Variants in CFAP74 observed in about 807,000 individuals in gnomAD.
CFAP74 encodes the protein cilia- and flagella-associated protein 74.
Under a neutral mutation model 188.9 loss-of-function variants are expected in CFAP74, and 124 were observed. That is an observed-to-expected ratio of 0.66 (90% CI 0.57 to 0.76). CFAP74 has a LOEUF of 0.76. Ranked by LOEUF, CFAP74 falls within the 30% of genes least tolerant of loss-of-function variation. CFAP74 has a pLI of 0.00. For synonymous variants in CFAP74, 956 were observed against 916.7 expected, an observed-to-expected ratio of 1.04 and a Z score of -0.77; for missense variants, 2,198 against 2,165.2, an observed-to-expected ratio of 1.02 and a Z score of -0.30.
chr1:1,970,918 T>C (rs771233279), intron 9 of CFAP74, 102 bp from the exon 10 acceptor site: 13 of 1,313,216 alleles, frequency 9.9e-6, no homozygotes, highest in Admixed American at 1.8e-5. Flanking sequence ...CATGCACACG[T>C]GCACACACGT....
chr1:1,926,905 G>T lies in CFAP74; in HGVS notation c.3651C>A (p.Pro1217=), dbSNP rs1308171019. 1.3e-6 allele frequency: 2 copies of T among 1,549,924 alleles called. No homozygotes were observed. The highest frequency in any genetic ancestry group is 2.4e-5 in the East Asian group (1 of 40,904). ...AGAGCACCCCGCACCTGAAGCTCAGGGGTTCTGACCCCTTCCTGTCTTTGA... is the reference window on the plus strand; with the variant it reads ...AGAGCACCCCGCACCTGAAGCTCAGTGGTTCTGACCCCTTCCTGTCTTTGA... ...GDIKDRKGSE[P]LSFSPHNTLY... The change falls in exon 29 of 39, where the codon CCC becomes CCA. Residue 1217 remains proline (P), a synonymous_variant. Transcript: ENST00000682832.
In CFAP74 at chr1:1,927,665, G is replaced by T; in HGVS notation, c.3469C>A (p.Leu1157Met). 1 of 1,550,198 alleles carries T rather than the reference G, an allele frequency of 6.5e-7. No homozygotes were observed. Among genetic ancestry groups the T allele is most frequent in the Non-Finnish European group, 8.7e-7 (1 of 1,146,848 alleles). Residue 1157 changes from leucine (L) to methionine (M), a missense_variant, in exon 28 of 39, where the codon CTG (leucine) becomes ATG (methionine). Physicochemically the swap from Leu to Met is conservative, Grantham distance 15. Coordinates refer to ENST00000682832, the MANE Select transcript of CFAP74 (RefSeq NM_001304360.2). Reference protein sequence around the residue: ...SVLRAQNRDKLFKVSVPHVLE... With the variant: ...SVLRAQNRDKMFKVSVPHVLE... ...ACGTGGGGGACAGAGACTTTGAACA[G>T]CTTGTCGCGGTTCTGTGCTCGAAGA...
At chr1:1,986,598 G>A (rs1048436328) in intron 5 of CFAP74, among the ~76,000 whole-genome samples, 2 of 152,308 alleles carry the variant, frequency 1.3e-5, no homozygotes, top group East Asian at 3.9e-4. Flanking sequence ...CGTCCCCCAG[G>A]CCCCTCCCAC....
At chr1:1,960,807 G>A (rs1221949731) in intron 14 of CFAP74, among the ~76,000 whole-genome samples, 1 of 152,232 alleles carries the variant, frequency 6.6e-6, no homozygotes, top group African/African-American at 2.4e-5. Flanking sequence ...GGGGAGAGGA[G>A]CAGAATCCGA....
At chr1:1,970,946 C>CG in intron 9 of CFAP74, 130 bp from the exon 10 acceptor site, 1 of 1,103,578 alleles carries the variant, frequency 9.1e-7, no homozygotes, top group Non-Finnish European at 1.3e-6. Flanking sequence ...CACATGCACA[C>CG]CTGCACATGC....
chr1:1,926,723 G>A lies in CFAP74; in HGVS notation c.3701C>T (p.Thr1234Met), dbSNP rs1057489025. The A allele has an allele frequency of 6.5e-6, 10 of 1,550,062 alleles. No individual in the cohort carries two copies. The highest frequency in any genetic ancestry group is 4.1e-5 in the African/African-American group (3 of 73,040). ...NTLYLELWCPTVAPSVVVTSH... is the reference protein window; with the variant it reads ...NTLYLELWCPMVAPSVVVTSH... Reference sequence around the variant, plus strand: ...CGTCACCACAACAGATGGTGCCACCGTCGGGCACCACAGCTCCAGGTACAG... The same window carrying A: ...CGTCACCACAACAGATGGTGCCACCATCGGGCACCACAGCTCCAGGTACAG... Residue 1234 changes from threonine to methionine, a missense_variant, in exon 30 of 39, where the codon ACG becomes ATG. By Grantham distance (81) the Thr-to-Met change is moderately conservative. Transcript: ENST00000682832.
intron 27 of CFAP74, 36 bp downstream of exon 27, chr1:1,928,748 C>A (rs945645225): frequency 6.7e-7 from 1 of 1,488,376 alleles, no homozygotes; most frequent in Non-Finnish European, 9.0e-7. Context: ...CAGGCCCTTC[C>A]CCGACCTACG....
intron 1 of CFAP74, among the ~76,000 whole-genome samples, chr1:1,999,039 T>C (rs148239208): frequency 6.6e-6 from 1 of 152,286 alleles, no homozygotes; most frequent in East Asian, 1.9e-4. Context: ...CAGAAATGTG[T>C]GTGTGTGTCT....
At chr1:1,924,300 T>G in intron 34 of CFAP74, 91 bp downstream of exon 34, 1 of 456,558 alleles carries the variant, frequency 2.2e-6, no homozygotes. Flanking sequence ...GCCCCCTATC[T>G]CACCAACTGT....
In CFAP74 at chr1:1,927,846, C is replaced by G. The variant is rs377316899; in HGVS notation, c.3388-100G>C. 2.2e-6 allele frequency: 3 copies of G among 1,381,300 alleles called. No homozygotes were observed. In the Admixed American group the frequency reaches 7.7e-5, roughly 35 times the overall value. The allele number at this position is 1,381,300 out of a possible 1,614,324, so 85.6% of individuals were successfully genotyped here. A position where few individuals can be genotyped will look rare whatever the true frequency, so the allele number is the denominator to read the frequency against. On this transcript the variant is annotated intron_variant, in intron 27 of 38. Transcript: ENST00000682832. ...CGGCCAGTGCGGGAACCGCGGGAGC[C>G]GCAGTTGGGATTGAATGTGGGGACG...
chr1:1,946,277 G>A, intron 20 of CFAP74, 40 bp downstream of exon 20: 1 of 1,508,442 alleles, frequency 6.6e-7, no homozygotes, highest in Non-Finnish European at 8.9e-7. Flanking sequence ...TGGAGGCAGG[G>A]GCCAGGGTGT....
At chr1:1,948,168 GC>G (rs1653909263) in intron 18 of CFAP74, among the ~76,000 whole-genome samples, 2 of 152,172 alleles carry the variant, frequency 1.3e-5, no homozygotes, top group South Asian at 4.1e-4. Context: ...ACTGTGCCCG[GC>G]CAAGGGTCCC....
At chr1:1,964,547 T>C (rs1381201720) in intron 13 of CFAP74, among the ~76,000 whole-genome samples, 1 of 152,212 alleles carries the variant, frequency 6.6e-6, no homozygotes, top group African/African-American at 2.4e-5. Flanking sequence ...CCCAGCACTT[T>C]GGGAGGCTGA....
Position 1,970,752 on chromosome 1 carries a change from T to C in CFAP74, c.953A>G (p.Gln318Arg). The change falls in exon 10 of 39, where the codon CAG becomes CGG. Residue 318 changes from glutamine (Q) to arginine (R), a missense_variant. By Grantham distance (43) the Gln-to-Arg change is conservative. Transcript: ENST00000682832. ...AKAELAEQRV[Q>R]AEKKAILAQG... Reference sequence around the variant, plus strand: ...GGCCAGAATCGCCTTCTTCTCAGCCTGGACCCTCTGCTCCGCCAGCTCTGC... The same window carrying C: ...GGCCAGAATCGCCTTCTTCTCAGCCCGGACCCTCTGCTCCGCCAGCTCTGC... 6.2e-7 allele frequency: 1 copy of C among 1,614,178 alleles called. No homozygotes were observed. The highest frequency in any genetic ancestry group is 8.5e-7 in the Non-Finnish European group (1 of 1,179,996).
At chr1:1,995,422 G>A (rs747505634) in intron 1 of CFAP74, among the ~76,000 whole-genome samples, 8 of 151,772 alleles carry the variant, frequency 5.3e-5, no homozygotes, top group Non-Finnish European at 1.2e-4. Context: ...AACCCGGGAG[G>A]CGGAGGTTGC....
At chr1:1,993,967 G>A (rs570697823) in intron 1 of CFAP74, among the ~76,000 whole-genome samples, 23 of 151,208 alleles carry the variant, frequency 1.5e-4, no homozygotes, top group African/African-American at 4.9e-4. Flanking sequence ...GGGCGACAGA[G>A]CAAGACTCCG....
chr1:1,957,184 G>A (rs748741160), intron 16 of CFAP74, among the ~76,000 whole-genome samples: 11 of 152,314 alleles, frequency 7.2e-5, no homozygotes, highest in African/African-American at 2.4e-4. Flanking sequence ...ACGGGAGCAC[G>A]CCCTCCATGG....
rs771618335 is a variant in CFAP74, at chr1:1,988,635, G to A, written c.173C>T (p.Thr58Ile). Residue 58 changes from threonine to isoleucine, a missense_variant, in exon 4 of 39, where the codon ACT (threonine) becomes ATT (isoleucine). Transcript: ENST00000682832. Reference protein sequence around the residue: ...GHSSSVKELDTDADKLKKKTA... With the variant: ...GHSSSVKELDIDADKLKKKTA... ...TTTCTTCTTCAATTTATCAGCATCA[G>A]TATCTAGTTCTTTCACTGAGCTTAG... The A allele has an allele frequency of 6.8e-6, 11 of 1,609,974 alleles. No individual in the cohort carries two copies. The highest frequency in any genetic ancestry group is 9.3e-6 in the Non-Finnish European group (11 of 1,179,996).
intron 2 of CFAP74, among the ~76,000 whole-genome samples, chr1:1,989,255 T>A (rs1365963669): frequency 6.6e-6 from 1 of 152,080 alleles, no homozygotes. Flanking sequence ...GAGAAAGAGT[T>A]AAGCTGCTGA....
Sources: gnomAD v4.1 joint callset for allele counts (sites outside exome capture counted in the v4.1 genomes callset) on GRCh38, gnomAD v4.1.1 for gene constraint, MANE v1.5 for transcripts, NCBI Gene and HGNC (gene_info 2026-07-23, HGNC 2026-07-21) for gene names.